The following CNIH3 variants were observed in gnomAD, a reference collection of about 807,000 sequenced individuals.
CNIH3 encodes the protein cornichon family AMPA receptor auxiliary protein 3, also known as protein cornichon homolog 3.
CNIH3 carries 14 observed loss-of-function variants against 24.1 expected under a neutral mutation model. The ratio of observed to expected loss-of-function variants is 0.58; its 90% CI spans 0.38 to 0.91. CNIH3 has a LOEUF of 0.91. Ranked by LOEUF, CNIH3 falls within the 40% of genes least tolerant of loss-of-function variation. CNIH3 has a pLI of 0.00. For missense variants in CNIH3, 178 were observed against 196.8 expected (o/e 0.90, Z 0.57); for synonymous variants, 68 against 73.8 (o/e 0.92, Z 0.40).
At position 224,526,581 on chromosome 1, in the gene CNIH3, A is replaced by G. The variant is rs188084438; in HGVS notation, n.343+5254A>G. Among the ~76,000 whole-genome samples, 1,392 of 152,266 alleles carry G rather than the reference A, an allele frequency of 9.1e-3. 78 individuals carry two copies. Among genetic ancestry groups the G allele is most frequent in the Admixed American group, 0.084 (1,287 of 15,290 alleles). On this transcript the variant is annotated intron_variant and non_coding_transcript_variant, in intron 2 of 2. Coordinates refer to the CNIH3 transcript ENST00000470602. The stretch of plus-strand genomic sequence containing the variant: ...ATTTATTTATTTTTTGCAATGCAGC[A>G]TGTATTTGGAGGGCTTTAGGTCTCA...
chr1:224,616,325 A>AAAGGCG lies in CNIH3; in HGVS notation c.-849_-844dup. Reference sequence around the variant, plus strand: ...GCACCGCTACAGTTCTCGCAGTGGCAAAGGCGGCGGCGGCGGCGGCGGCAG... The same window carrying AAAGGCG: ...GCACCGCTACAGTTCTCGCAGTGGCAAAGGCGAAGGCGGCGGCGGCGGCGGCGGCAG... On this transcript the variant is annotated 5_prime_UTR_variant, in exon 1 of 6. Coordinates refer to ENST00000272133, the MANE Select transcript of CNIH3 (RefSeq NM_152495.2). 2.8e-6 allele frequency: 1 copy of AAAGGCG among 361,872 alleles called. No homozygotes were observed. The highest frequency in any genetic ancestry group is 4.5e-5 in the South Asian group (1 of 22,194). 22.4% of individuals were successfully genotyped at this position (361,872 alleles called of 1,614,324 possible).
intron 1 of CNIH3, among the ~76,000 whole-genome samples, chr1:224,638,807 G>A (rs916909790): frequency 1.3e-5 from 2 of 152,206 alleles, no homozygotes; most frequent in Non-Finnish European, 2.9e-5. Context: ...ATTAAATGAA[G>A]TTCATCACCT....
intron 1 of CNIH3, among the ~76,000 whole-genome samples, chr1:224,639,663 G>A (rs1684263329): frequency 6.6e-6 from 1 of 152,136 alleles, no homozygotes; most frequent in South Asian, 2.1e-4. Flanking sequence ...TCACTGGCAG[G>A]TAGACCTCAG....
intron 1 of CNIH3, among the ~76,000 whole-genome samples, chr1:224,484,741 C>A (rs1218512084): frequency 6.6e-6 from 1 of 152,164 alleles, no homozygotes; most frequent in Non-Finnish European, 1.5e-5. Context: ...CAAGTTCACT[C>A]ATCTTTTCTT....
Position 224,617,010 on chromosome 1 carries a change from T to C in CNIH3, c.-165T>C. 1.4e-6 allele frequency: 2 copies of C among 1,414,272 alleles called. No homozygotes were observed. Among genetic ancestry groups the C allele is most frequent in the Non-Finnish European group, 1.8e-6 (2 of 1,088,542 alleles). The allele number at this position is 1,414,272 out of a possible 1,614,324, so 87.6% of individuals were successfully genotyped here. ...CCGGAGCCTGCGGGAATCCAGCGCT[T>C]ATTCGCTGACCCTCGAGTCGCTTCG... On this transcript the variant is annotated 5_prime_UTR_variant, in exon 1 of 6. Coordinates refer to ENST00000272133, the MANE Select transcript of CNIH3 (RefSeq NM_152495.2).
chr1:224,565,862 G>C (rs1241863833), intron 3 of CNIH3: 1 of 152,040 alleles, frequency 6.6e-6, no homozygotes, highest in African/African-American at 2.4e-5. Context: ...ACAGAGCTTG[G>C]TGCACACTGG....
At chr1:224,439,384 T>G (rs1241502875) in intron 1 of CNIH3, among the ~76,000 whole-genome samples, 1 of 152,182 alleles carries the variant, frequency 6.6e-6, no homozygotes, top group Non-Finnish European at 1.5e-5. Context: ...AGCCCTCTCA[T>G]GTTCTTGAGA....
chr1:224,596,949 T>A (rs2125036532), intron 3 of CNIH3, among the ~76,000 whole-genome samples: 1 of 151,892 alleles, frequency 6.6e-6, no homozygotes, highest in Non-Finnish European at 1.5e-5. Context: ...GGTCAGGAGG[T>A]CGAGATCAGC....
At chr1:224,713,750 T>C (rs1688281766) in intron 3 of CNIH3, among the ~76,000 whole-genome samples, 1 of 152,248 alleles carries the variant, frequency 6.6e-6, no homozygotes, top group Non-Finnish European at 1.5e-5. Flanking sequence ...TTTATTTTAG[T>C]GTTAATACTT....
chr1:224,610,607 G>A (rs1369504736), intron 3 of CNIH3, among the ~76,000 whole-genome samples: 2 of 152,156 alleles, frequency 1.3e-5, no homozygotes, highest in African/African-American at 4.8e-5. Flanking sequence ...AAATTACCCA[G>A]TCTCAGGTAG....
intron 1 of CNIH3, among the ~76,000 whole-genome samples, chr1:224,620,511 A>G (rs1683227615): frequency 6.6e-6 from 1 of 152,252 alleles, no homozygotes; most frequent in Admixed American, 6.5e-5. Flanking sequence ...TGGGGTTACA[A>G]TAGCAACAGC....
intron 3 of CNIH3, among the ~76,000 whole-genome samples, chr1:224,555,781 T>G (rs1405443692): frequency 6.6e-6 from 1 of 152,238 alleles, no homozygotes; most frequent in East Asian, 1.9e-4. Context: ...TCCTTTTTTT[T>G]TCCTCGGTCT....
intron 1 of CNIH3, among the ~76,000 whole-genome samples, chr1:224,508,480 A>T (rs536211106): frequency 2.7e-4 from 41 of 152,242 alleles, no homozygotes; most frequent in African/African-American, 9.9e-4. Context: ...CAGTCTGTAG[A>T]ATGGGGCCAT....
intron 3 of CNIH3, among the ~76,000 whole-genome samples, chr1:224,728,105 T>C (rs1470516477): frequency 2.6e-5 from 4 of 152,132 alleles, no homozygotes; most frequent in African/African-American, 9.7e-5. Flanking sequence ...GTCATTGGAA[T>C]TGGAGATGGA....
At chr1:224,613,864 G>C (rs1682814420), upstream of CNIH3, among the ~76,000 whole-genome samples, 1 of 151,826 alleles carries the variant, frequency 6.6e-6, no homozygotes, top group East Asian at 1.9e-4. Context: ...TCTTTATAAA[G>C]TACCCAGCCT....
Position 224,740,253 on chromosome 1 carries a change from T to C in CNIH3, c.*897T>C, listed in dbSNP as rs1326477869. The C allele has an allele frequency of 6.6e-6, 1 of 152,354 alleles. No individual in the cohort carries two copies. Among genetic ancestry groups the C allele is most frequent in the African/African-American group, 2.4e-5 (1 of 41,586 alleles). 9.4% of individuals were successfully genotyped at this position (152,354 alleles called of 1,614,324 possible). On this transcript the variant is annotated 3_prime_UTR_variant, in exon 6 of 6. Transcript: ENST00000272133. ...TTTTATGATGCTGCATCATTTGTAC[T>C]GTTTAGGTCGACGTGAGGACATCAT...
downstream of CNIH3, chr1:224,537,063 C>T (rs1389126781): frequency 1.3e-5 from 2 of 152,120 alleles, no homozygotes; most frequent in African/African-American, 4.8e-5. Context: ...CTGCATCAGG[C>T]AAACCTGCCT....
At chr1:224,618,166 T>G (rs555281518) in intron 1 of CNIH3, among the ~76,000 whole-genome samples, 1 of 152,352 alleles carries the variant, frequency 6.6e-6, no homozygotes, top group South Asian at 2.1e-4. Flanking sequence ...TCTCAAAGAC[T>G]GTGCAACATT....
At chr1:224,709,966 G>A (rs1254278571) in intron 3 of CNIH3, among the ~76,000 whole-genome samples, 1 of 152,142 alleles carries the variant, frequency 6.6e-6, no homozygotes, top group Admixed American at 6.5e-5. Flanking sequence ...ATTAGGCATA[G>A]TAAGAGATTA....
Sources: allele counts gnomAD v4.1 joint callset (sites outside exome capture counted in the v4.1 genomes callset), GRCh38; gene constraint gnomAD v4.1.1; transcripts MANE v1.5; gene names NCBI Gene and HGNC (gene_info 2026-07-23, HGNC 2026-07-21).